SALL2: variants seen among roughly 807,000 people sequenced by gnomAD.
SALL2 encodes the protein spalt like transcription factor 2, also known as sal-like protein 2.
In SALL2, 32 loss-of-function variants were observed where a neutral mutation model predicts 58.5. The observed-to-expected ratio is 0.55, with a 90% CI of 0.41 to 0.74. The LOEUF (loss-of-function observed/expected upper bound fraction) is 0.74. SALL2 is among the 30% of genes least tolerant of loss of function. SALL2 has a pLI of 0.00. For synonymous variants in SALL2, 516 were observed against 513.6 expected, an observed-to-expected ratio of 1.00 and a Z score of -0.06; for missense variants, 1,201 against 1,268.9, an observed-to-expected ratio of 0.95 and a Z score of 0.81.
At chr14:21,534,500 A>G (rs1892542503) in intron 1 of SALL2, among the ~76,000 whole-genome samples, 5 of 152,164 alleles carry the variant, frequency 3.3e-5, no homozygotes, top group Admixed American at 2.0e-4. Context: ...GGTGGAAGCT[A>G]TATCTTAAAG....
intron 1 of SALL2, among the ~76,000 whole-genome samples, chr14:21,532,871 G>A (rs776896978): frequency 2.6e-5 from 4 of 152,166 alleles, no homozygotes; most frequent in Non-Finnish European, 5.9e-5. Flanking sequence ...GCTGAGGCAG[G>A]AGAATGGTGT....
upstream of SALL2, among the ~76,000 whole-genome samples, chr14:21,530,784 A>AT (rs577071131): frequency 1.8e-3 from 273 of 151,696 alleles, no homozygotes; most frequent in African/African-American, 6.2e-3. Flanking sequence ...TAATTAAAAT[A>AT]TTTTTTTCTG....
Position 21,525,236 on chromosome 14 carries a change from T to TGGA in SALL2, c.483_485dup (p.Pro168dup). The TGGA allele has an allele frequency of 1.2e-6, 2 of 1,606,142 alleles. No individual in the cohort carries two copies. The highest frequency in any genetic ancestry group is 4.5e-5 in the East Asian group (2 of 44,626). On this transcript the variant is annotated inframe_insertion, in exon 2 of 2. Coordinates refer to ENST00000537235, the MANE Select transcript of SALL2 (RefSeq NM_001364564.1). The surrounding 1 kb of genome is among the most constrained non-coding windows in gnomAD (Gnocchi z 4.4). ...CTACCCCTGGGGGCGGAGGGGGTGG[T>TGGA]GGAGGAGGAGGGGGTGCAGGGGTCG...
upstream of SALL2, among the ~76,000 whole-genome samples, chr14:21,528,903 T>C (rs553297145): frequency 1.3e-5 from 2 of 152,298 alleles, no homozygotes; most frequent in African/African-American, 4.8e-5. Context: ...CATTGAACAT[T>C]TGATATCCAG....
Position 21,523,033 on chromosome 14 carries a change from C to T in SALL2, c.2689G>A (p.Ala897Thr). ...TLVEELSLQE[A>T]MRKEPGESSS... ...CTCTCTCCTGGCTCCTTTCTCATTG[C>T]CTCCTGCAGGCTCAGCTCCTCTACC... The change falls in exon 2 of 2, where the codon GCA becomes ACA. Residue 897 changes from alanine to threonine, a missense_variant. By Grantham distance (58) the Ala-to-Thr change is moderately conservative. Transcript: ENST00000537235. The surrounding 1 kb of genome is among the most constrained non-coding windows in gnomAD (Gnocchi z 4.4). The T allele has an allele frequency of 6.2e-7, 1 of 1,614,132 alleles. No homozygotes were observed. Among genetic ancestry groups the T allele is most frequent in the Non-Finnish European group, 8.5e-7 (1 of 1,180,024 alleles).
rs1892237966 is a variant in SALL2 at position 21,525,173 on chromosome 14, C to T, written c.549G>A (p.Glu183=). Reference sequence around the variant, plus strand: ...TCTGCCGCTGCTGCAGCACCCGTAGCTCTTCCAAGATCAGGGGGATATTCA... The same window carrying T: ...TCTGCCGCTGCTGCAGCACCCGTAGTTCTTCCAAGATCAGGGGGATATTCA... ...GHLNIPLILE[E]LRVLQQRQIH... Residue 183 remains glutamate, a synonymous_variant, in exon 2 of 2, where the codon GAG becomes GAA. Transcript: ENST00000537235. The surrounding 1 kb of genome is among the most constrained non-coding windows in gnomAD (Gnocchi z 4.4). 9 of 1,613,960 alleles carry T rather than the reference C, an allele frequency of 5.6e-6. No homozygotes were observed. Among genetic ancestry groups the T allele is most frequent in the Non-Finnish European group, 6.8e-6 (8 of 1,179,978 alleles).
chr14:21,523,702 C>T lies in SALL2; in HGVS notation c.2020G>A (p.Ala674Thr), dbSNP rs1892150082. ...RAFSTRGNLRAHFVGHKASPA... is the reference protein window; with the variant it reads ...RAFSTRGNLRTHFVGHKASPA... ...CTGGCCTTGTGGCCCACGAAATGTGCACGCAGATTACCCCTGGTGGAGAAG... is the reference window on the plus strand; with the variant it reads ...CTGGCCTTGTGGCCCACGAAATGTGTACGCAGATTACCCCTGGTGGAGAAG... Residue 674 changes from alanine to threonine, a missense_variant, in exon 2 of 2, where the codon GCA (alanine) becomes ACA (threonine). Ala to Thr is a moderately conservative substitution (Grantham distance 58). Transcript: ENST00000537235. This position sits in a 1 kb window ranked among gnomAD's most constrained non-coding sequence, Gnocchi z 4.4. 1 of 1,614,084 alleles carries T rather than the reference C, an allele frequency of 6.2e-7. No individual in the cohort carries two copies. The highest frequency in any genetic ancestry group is 1.1e-5 in the South Asian group (1 of 91,088).
Position 21,525,761 on chromosome 14 carries a change from T to G in SALL2, c.68-107A>C, listed in dbSNP as rs1892277414. The G allele has an allele frequency of 8.0e-7, 1 of 1,254,482 alleles. No individual in the cohort carries two copies. Among genetic ancestry groups the G allele is most frequent in the Non-Finnish European group, 1.1e-6 (1 of 926,312 alleles). The allele number at this position is 1,254,482 out of a possible 1,614,324, so 77.7% of individuals were successfully genotyped here. A position where few individuals can be genotyped will look rare whatever the true frequency, so the allele number is the denominator to read the frequency against. ...TAACCGCTAGTTGGGGGTGGGGAGATGAGCTCACCATCAGGGCCATGCAGA... is the reference window on the plus strand; with the variant it reads ...TAACCGCTAGTTGGGGGTGGGGAGAGGAGCTCACCATCAGGGCCATGCAGA... On this transcript the variant is annotated intron_variant, in intron 1 of 1. Coordinates refer to ENST00000537235, the MANE Select transcript of SALL2 (RefSeq NM_001364564.1). This position sits in a 1 kb window ranked among gnomAD's most constrained non-coding sequence, Gnocchi z 4.4.
chr14:21,523,294 C>A lies in SALL2; in HGVS notation c.2428G>T (p.Val810Leu), dbSNP rs1173332089. The change falls in exon 2 of 2, where the codon GTG becomes TTG. Residue 810 changes from valine (V) to leucine (L), a missense_variant. This residue lies in a region of SALL2 where 675 missense variants were observed against 683.8 expected (regional missense o/e 0.99). Transcript: ENST00000537235. The surrounding 1 kb of genome is among the most constrained non-coding windows in gnomAD (Gnocchi z 4.4). ...SEEASGAEEE[V>L]GTVAAAATAG... The stretch of plus-strand genomic sequence containing the variant: ...GTGGCTGCTGCCGCCACTGTCCCCA[C>A]CTCCTCCTCTGCCCCAGATGCCTCT... 6.2e-7 allele frequency: 1 copy of A among 1,613,782 alleles called. No individual in the cohort carries two copies. The highest frequency in any genetic ancestry group is 1.7e-5 in the Admixed American group (1 of 60,028).
At position 21,526,287 on chromosome 14, in the gene SALL2, G is replaced by C; in HGVS notation, c.-160C>G. On this transcript the variant is annotated 5_prime_UTR_variant, in exon 1 of 2. Coordinates refer to ENST00000537235, the MANE Select transcript of SALL2 (RefSeq NM_001364564.1). The stretch of plus-strand genomic sequence containing the variant: ...CGGGGGCAGGGAGCAGCGGCGGAGG[G>C]GGAGGGGAGCGAGGAGGCGGGGAGA... 6.9e-7 allele frequency: 1 copy of C among 1,439,350 alleles called. No individual in the cohort carries two copies. The highest frequency in any genetic ancestry group is 9.1e-7 in the Non-Finnish European group (1 of 1,100,792). 89.2% of individuals were successfully genotyped at this position (1,439,350 alleles called of 1,614,324 possible).
rs1461778760 is a variant in SALL2 at position 21,526,137 on chromosome 14, G to T, written c.-10C>A. 3 of 1,540,526 alleles carry T rather than the reference G, an allele frequency of 1.9e-6. No homozygotes were observed. Among genetic ancestry groups the T allele is most frequent in the East Asian group, 2.4e-5 (1 of 41,172 alleles). ...CGGATTCGTGCGCCATGGTTGTGGG[G>T]GAAGTGGAGGGCCAGGTGGGGTGGG... On this transcript the variant is annotated 5_prime_UTR_variant, in exon 1 of 2. Transcript: ENST00000537235.
At chr14:21,531,509 C>T (rs1040851608) in intron 1 of SALL2, among the ~76,000 whole-genome samples, 9 of 151,980 alleles carry the variant, frequency 5.9e-5, no homozygotes, top group South Asian at 2.1e-4. Flanking sequence ...CAGGTTCAAG[C>T]GATTCTCCTG....
rs887952937 is a variant in SALL2 at position 21,522,845 on chromosome 14, C to A, written c.2877G>T (p.Leu959=). The part of the protein sequence containing the change: ...ERATLKKHML[L]AHHQVQPFAP... ...CAAAGGGCTGTACCTGGTGGTGTGC[C>A]AGGAGCATATGCTTCTTGAGGGTAG... The change falls in exon 2 of 2, where the codon CTG becomes CTT. Residue 959 remains leucine, a synonymous_variant. Coordinates refer to ENST00000537235, the MANE Select transcript of SALL2 (RefSeq NM_001364564.1). 6.2e-7 allele frequency: 1 copy of A among 1,610,760 alleles called. No homozygotes were observed. The highest frequency in any genetic ancestry group is 2.2e-5 in the East Asian group (1 of 44,846).
In SALL2 at chr14:21,525,343, C is replaced by T. The variant is rs759691947; in HGVS notation, c.379G>A (p.Ala127Thr). Residue 127 changes from alanine to threonine, a missense_variant, in exon 2 of 2, where the codon GCC becomes ACC. Physicochemically the swap from Ala to Thr is moderately conservative, Grantham distance 58. Transcript: ENST00000537235. This position sits in a 1 kb window ranked among gnomAD's most constrained non-coding sequence, Gnocchi z 4.4. ...CCTCCCCCAGCCGCTGTACCTGTGG[C>T]AGCGACCAGGAAATGCCCTGAAGAC... Reference protein sequence around the residue: ...EESSGHFLVAATGTAAGGGGG... With the variant: ...EESSGHFLVATTGTAAGGGGG... 1 of 1,614,020 alleles carries T rather than the reference C, an allele frequency of 6.2e-7. No homozygotes were observed. The highest frequency in any genetic ancestry group is 8.5e-7 in the Non-Finnish European group (1 of 1,179,946).
At chr14:21,526,467 GGA>G (rs1311368188), upstream of SALL2, 3 of 1,298,066 alleles carry the variant, frequency 2.3e-6, no homozygotes, top group South Asian at 1.7e-5. Flanking sequence ...TCAGAGCTCG[GGA>G]GAGTTTCCGG....
chr14:21,536,533 C>T (rs1353491399), intron 1 of SALL2, among the ~76,000 whole-genome samples: 2 of 152,228 alleles, frequency 1.3e-5, no homozygotes, highest in Non-Finnish European at 2.9e-5. Flanking sequence ...CGTTACTTAG[C>T]AACGGCACAA....
At chr14:21,529,273 C>G (rs193075794), upstream of SALL2, among the ~76,000 whole-genome samples, 17 of 152,122 alleles carry the variant, frequency 1.1e-4, no homozygotes, top group African/African-American at 4.1e-4. Context: ...ATGCAAAGTC[C>G]GGGGTGGGAC....
At chr14:21,536,229 T>G (rs1232373291) in intron 1 of SALL2, among the ~76,000 whole-genome samples, 1 of 152,244 alleles carries the variant, frequency 6.6e-6, no homozygotes, top group African/African-American at 2.4e-5. Flanking sequence ...TTTTGTTTTT[T>G]GCTTTGCTTT....
intron 1 of SALL2, among the ~76,000 whole-genome samples, chr14:21,531,960 C>G (rs1368411303): frequency 6.6e-6 from 1 of 151,960 alleles, no homozygotes; most frequent in Non-Finnish European, 1.5e-5. Flanking sequence ...GAACTCCTGA[C>G]CTCAAGTGAT....
Sources: allele counts gnomAD v4.1 joint callset (sites outside exome capture counted in the v4.1 genomes callset), GRCh38; gene constraint gnomAD v4.1.1; regional missense constraint gnomAD v4.1.1; non-coding constraint Gnocchi (gnomAD v3.1); transcripts MANE v1.5; gene names NCBI Gene and HGNC (gene_info 2026-07-23, HGNC 2026-07-21).